The following AP4M1 variants were observed in gnomAD, a reference collection of about 807,000 sequenced individuals.
The protein encoded by AP4M1 is AP-4 complex subunit mu-1.
Under a neutral mutation model 62.4 loss-of-function variants are expected in AP4M1, and 58 were observed. The observed-to-expected ratio is 0.93, with a 90% confidence interval of 0.75 to 1.16. The LOEUF is 1.16. AP4M1 is among the 50% of genes most tolerant of loss of function. AP4M1 has a pLI of 0.00. For synonymous variants in AP4M1, 290 were observed against 239.7 expected (o/e 1.21, Z -1.94); for missense variants, 626 against 585.4 (o/e 1.07, Z -0.72).
upstream of AP4M1, chr7:100,101,070 C>T (rs1046883883): frequency 1.3e-6 from 1 of 745,528 alleles, no homozygotes; most frequent in Non-Finnish European, 2.1e-6. Flanking sequence ...ACTAGCTTTT[C>T]TTCAACATCG....
chr7:100,108,255 G>C lies in AP4M1; in HGVS notation c.*1373G>C. On this transcript the variant is annotated 3_prime_UTR_variant, in exon 15 of 15. Coordinates refer to ENST00000359593, the MANE Select transcript of AP4M1 (RefSeq NM_004722.4). ...GCTGGGGCATCCTCACTCAGGGCCT[G>C]GTTGCCCTGAGACTACTGACTGAGG... 1.4e-6 allele frequency: 2 copies of C among 1,455,990 alleles called. No homozygotes were observed. Among genetic ancestry groups the C allele is most frequent in the Non-Finnish European group, 1.8e-6 (2 of 1,095,342 alleles). 90.2% of individuals were successfully genotyped at this position (1,455,990 alleles called of 1,614,324 possible).
At position 100,107,614 on chromosome 7, in the gene AP4M1, G is replaced by A. The variant is rs755554023; in HGVS notation, c.*732G>A. ...CCTGAGCCGGGGGCCGAGGTGCTGAGGGACAGGACCTGGATAGAAAGGAAA... is the reference window on the plus strand; with the variant it reads ...CCTGAGCCGGGGGCCGAGGTGCTGAAGGACAGGACCTGGATAGAAAGGAAA... On this transcript the variant is annotated 3_prime_UTR_variant, in exon 15 of 15. Coordinates refer to ENST00000359593, the MANE Select transcript of AP4M1 (RefSeq NM_004722.4). The A allele has an allele frequency of 7.4e-6, 12 of 1,612,822 alleles. No individual in the cohort carries two copies. The highest frequency in any genetic ancestry group is 1.8e-4 in the Middle Eastern group (1 of 5,640).
In AP4M1 at chr7:100,108,927, G is replaced by A. The variant is rs4134921; in HGVS notation, c.*2045G>A. The stretch of plus-strand genomic sequence containing the variant: ...TAGTCCCAGCTACTGGGGAGGTTGA[G>A]GTACTAGAATGCTTGAACCCAGGTG... On this transcript the variant is annotated 3_prime_UTR_variant, in exon 15 of 15. Coordinates refer to ENST00000359593, the MANE Select transcript of AP4M1 (RefSeq NM_004722.4). The A allele has an allele frequency of 0.02, 3,361 of 164,526 alleles. 127 individuals carry two copies. The highest frequency in any genetic ancestry group is 0.078 in the African/African-American group (3,220 of 41,422). The allele number at this position is 164,526 out of a possible 1,614,324, so 10.2% of individuals were successfully genotyped here. A position where few individuals can be genotyped will look rare whatever the true frequency, so the allele number is the denominator to read the frequency against.
Position 100,101,668 on chromosome 7 carries a change from G to A in AP4M1, c.-47G>A, listed in dbSNP as rs375773201. ...CTTTTGTTCCGGGGCCGCAGGGCGG[G>A]GCAGGCCCGACTTTCGCCGTCTTCT... On this transcript the variant is annotated 5_prime_UTR_variant, in exon 1 of 15. Transcript: ENST00000359593. 53 of 1,565,328 alleles carry A rather than the reference G, an allele frequency of 3.4e-5. No individual in the cohort carries two copies. The highest frequency in any genetic ancestry group is 3.9e-5 in the Non-Finnish European group (44 of 1,136,738).
In AP4M1 at chr7:100,108,663, T is replaced by A. The variant is rs1476079587; in HGVS notation, c.*1781T>A. On this transcript the variant is annotated 3_prime_UTR_variant, in exon 15 of 15. Coordinates refer to ENST00000359593, the MANE Select transcript of AP4M1 (RefSeq NM_004722.4). ...GGGTAAAAAAGGACATTCCTTATCA[T>A]CTCAGTGCCCCTGTTGAAGGCCAAA... The A allele has an allele frequency of 1.2e-5, 14 of 1,123,950 alleles. No homozygotes were observed. Among genetic ancestry groups the A allele is most frequent in the African/African-American group, 3.1e-5 (2 of 64,136 alleles). 69.6% of individuals were successfully genotyped at this position (1,123,950 alleles called of 1,614,324 possible). A position where few individuals can be genotyped will look rare whatever the true frequency, so the allele number is the denominator to read the frequency against.
At chr7:100,105,124 C>T (rs370110611) in intron 9 of AP4M1, 26 bp downstream of exon 9, 4 of 1,613,590 alleles carry the variant, frequency 2.5e-6, no homozygotes, top group South Asian at 1.1e-5. Context: ...GTCTTTCTCC[C>T]CTTGGAGTAG....
intron 14 of AP4M1, 47 bp downstream of exon 14, chr7:100,106,561 A>AACCCCCCCC: frequency 6.4e-7 from 1 of 1,567,506 alleles, no homozygotes; most frequent in East Asian, 2.3e-5. Flanking sequence ...ATTCACTTGC[A>AACCCCCCCC]GCCCCCACCC....
At chr7:100,103,546 G>A (rs768772428) in intron 5 of AP4M1, 27 bp downstream of exon 5, 7 of 1,613,842 alleles carry the variant, frequency 4.3e-6, no homozygotes, top group South Asian at 1.1e-5. Context: ...AGGAGGGTGA[G>A]GAAAGAGAAG....
intron 2 of AP4M1, 174 bp from the exon 3 acceptor site, chr7:100,102,501 A>C: frequency 1.5e-6 from 1 of 670,878 alleles, no homozygotes; most frequent in Non-Finnish European, 2.7e-6. Context: ...TAGTTAGTGT[A>C]ATTAACCCCC....
At position 100,107,894 on chromosome 7, in the gene AP4M1, C is replaced by G. The variant is rs1206496580; in HGVS notation, c.*1012C>G. The G allele has an allele frequency of 1.3e-6, 2 of 1,575,452 alleles. No homozygotes were observed. Among genetic ancestry groups the G allele is most frequent in the South Asian group, 1.2e-5 (1 of 84,168 alleles). Reference sequence around the variant, plus strand: ...GGTGCTCTGAGGTAACCCAGGCCCTCCAGATGCTCCCTGTCCCACAGCTCT... The same window carrying G: ...GGTGCTCTGAGGTAACCCAGGCCCTGCAGATGCTCCCTGTCCCACAGCTCT... On this transcript the variant is annotated 3_prime_UTR_variant, in exon 15 of 15. Transcript: ENST00000359593.
Position 100,106,436 on chromosome 7 carries a change from G to A in AP4M1, c.1059G>A (p.Lys353=). The A allele has an allele frequency of 1.2e-6, 2 of 1,613,916 alleles. No individual in the cohort carries two copies. The highest frequency in any genetic ancestry group is 1.3e-5 in the African/African-American group (1 of 75,054). ...LSQELSSPEQ[K]AELAEGALRW... is the part of the protein sequence containing the mutation. ...AGGAGCTGAGCAGCCCAGAGCAGAA[G>A]GCTGAGCTGGCAGAGGGAGCCCTTC... Residue 353 remains lysine, a synonymous_variant, in exon 14 of 15, where the codon AAG becomes AAA. Transcript: ENST00000359593.
rs764148475 is a variant in AP4M1 at position 100,101,817 on chromosome 7, G to A, written c.58+45G>A. On this transcript the variant is annotated intron_variant, in intron 1 of 14. Transcript: ENST00000359593. The stretch of plus-strand genomic sequence containing the variant: ...CTGGGAAGGGGCGGAGGGGCCGGGC[G>A]GGAGGGGCGCCCAGGGCCAGCCTGT... The A allele has an allele frequency of 1.8e-5, 29 of 1,609,750 alleles. No homozygotes were observed. In the Admixed American group the frequency reaches 4.5e-4, roughly 25 times the overall value.
Position 100,109,039 on chromosome 7 carries a change from A to G in AP4M1, c.*2157A>G, listed in dbSNP as rs960199849. The G allele has an allele frequency of 1.3e-5, 2 of 151,772 alleles. No individual in the cohort carries two copies. Among genetic ancestry groups the G allele is most frequent in the African/African-American group, 4.9e-5 (2 of 41,182 alleles). 9.4% of individuals were successfully genotyped at this position (151,772 alleles called of 1,614,324 possible). A position where few individuals can be genotyped will look rare whatever the true frequency, so the allele number is the denominator to read the frequency against. On this transcript the variant is annotated 3_prime_UTR_variant, in exon 15 of 15. Coordinates refer to ENST00000359593, the MANE Select transcript of AP4M1 (RefSeq NM_004722.4). ...CTGTCTCAGAAAAAAAAAAAAAAGA[A>G]TGGCTGGGTGTGGTGGTTCATGCCT... is the stretch of plus-strand genomic sequence containing the variant.
intron 4 of AP4M1, 41 bp from the exon 5 acceptor site, chr7:100,103,368 C>G (rs1293260990): frequency 6.4e-7 from 1 of 1,554,758 alleles, no homozygotes; most frequent in African/African-American, 1.4e-5. Flanking sequence ...TTTACCCCTT[C>G]CCTCCACTGA....
chr7:100,105,017 G>T, intron 8 of AP4M1, 28 bp from the exon 9 acceptor site: 1 of 1,614,144 alleles, frequency 6.2e-7, no homozygotes, highest in Non-Finnish European at 8.5e-7. Flanking sequence ...GCATTGCTGA[G>T]CTCTCCTGAT....
At chr7:100,103,024 C>A in intron 4 of AP4M1, 64 bp downstream of exon 4, 11 of 1,140,126 alleles carry the variant, frequency 9.6e-6, no homozygotes, top group Non-Finnish European at 1.4e-5. Context: ...ATCTGCTCTT[C>A]TACTGTGGGA....
At chr7:100,103,898 A>G (rs886540759) in intron 6 of AP4M1, among the ~76,000 whole-genome samples, 194 bp from the exon 7 acceptor site, 2 of 150,822 alleles carry the variant, frequency 1.3e-5, no homozygotes, top group Non-Finnish European at 3.0e-5. Flanking sequence ...AAAAAAAAAA[A>G]AAAAAAAAGA....
chr7:100,103,522 C>T lies in AP4M1; in HGVS notation c.462+3C>T, dbSNP rs771572784. 2 of 1,613,908 alleles carry T rather than the reference C, an allele frequency of 1.2e-6. No individual in the cohort carries two copies. Among genetic ancestry groups the T allele is most frequent in the African/African-American group, 1.3e-5 (1 of 74,902 alleles). On this transcript the variant is annotated splice_donor_region_variant and intron_variant, in intron 5 of 14. Coordinates refer to ENST00000359593, the MANE Select transcript of AP4M1 (RefSeq NM_004722.4). Reference sequence around the variant, plus strand: ...TTGACCTCAGCAGCGTTGGCTTGGTCAGTAGAGGGAAAGAGGAGGGTGAGG... The same window carrying T: ...TTGACCTCAGCAGCGTTGGCTTGGTTAGTAGAGGGAAAGAGGAGGGTGAGG...
Position 100,102,848 on chromosome 7 carries a change from C to A in AP4M1, c.255-16C>A. ...CTGAGAGGAGGAGAAAATACACGCT[C>A]CAAGTGTTTCCTCAGGTTGGCCACC... On this transcript the variant is annotated splice_polypyrimidine_tract_variant and intron_variant, in intron 3 of 14. Coordinates refer to ENST00000359593, the MANE Select transcript of AP4M1 (RefSeq NM_004722.4). 6.2e-7 allele frequency: 1 copy of A among 1,613,944 alleles called. No individual in the cohort carries two copies. Among genetic ancestry groups the A allele is most frequent in the South Asian group, 1.1e-5 (1 of 91,076 alleles).
Sources: allele counts gnomAD v4.1 joint callset (sites outside exome capture counted in the v4.1 genomes callset), GRCh38; gene constraint gnomAD v4.1.1; transcripts MANE v1.5; gene names NCBI Gene and HGNC (gene_info 2026-07-23, HGNC 2026-07-21).